Variants in DUSP16 observed in about 807,000 individuals in gnomAD.
The protein encoded by DUSP16 is dual specificity protein phosphatase 16.
A neutral mutation model predicts 58.3 loss-of-function variants in DUSP16; 21 were observed. The observed-to-expected ratio is 0.36, with a 90% CI of 0.26 to 0.52. The LOEUF is 0.52. Ranked by LOEUF, DUSP16 falls within the 20% of genes least tolerant of loss-of-function variation. The probability of loss-of-function intolerance (pLI) is 0.94; values close to 1 mark genes in which losing one functional copy is unlikely to be tolerated. For synonymous variants in DUSP16, 320 were observed against 323.8 expected (o/e 0.99, Z 0.12); for missense variants, 726 against 819.0 (o/e 0.89, Z 1.39).
At chr12:12,506,846 T>C (rs2136219106) in intron 3 of DUSP16, among the ~76,000 whole-genome samples, 1 of 152,332 alleles carries the variant, frequency 6.6e-6, no homozygotes, top group African/African-American at 2.4e-5. Flanking sequence ...ACCAAAAGAA[T>C]GCATGTTTAC....
chr12:12,480,921 G>A (rs915264020), intron 5 of DUSP16, among the ~76,000 whole-genome samples: 2 of 152,132 alleles, frequency 1.3e-5, no homozygotes, highest in Non-Finnish European at 2.9e-5. Flanking sequence ...GTTTCACCAT[G>A]TTGGGCAGGC....
chr12:12,523,306 TAGAC>T (rs1592193125), intron 1 of DUSP16, among the ~76,000 whole-genome samples: 2 of 152,284 alleles, frequency 1.3e-5, no homozygotes, highest in East Asian at 1.9e-4. Context: ...CTATGCATCA[TAGAC>T]AGGAGGAAAA....
At chr12:12,486,838 C>T (rs1238969646) in intron 5 of DUSP16, among the ~76,000 whole-genome samples, 190 bp downstream of exon 5, 1 of 152,194 alleles carries the variant, frequency 6.6e-6, no homozygotes, top group Non-Finnish European at 1.5e-5. Flanking sequence ...AAGGCCAGTC[C>T]TTAGGGACAG....
chr12:12,491,253 G>A (rs1186977113), intron 4 of DUSP16: 3 of 151,132 alleles, frequency 2.0e-5, no homozygotes, highest in Non-Finnish European at 4.4e-5. Context: ...GTCCCACCAT[G>A]TTGTCCAGGC....
chr12:12,561,365 T>C (rs750160008), intron 1 of DUSP16, among the ~76,000 whole-genome samples: 20 of 152,224 alleles, frequency 1.3e-4, no homozygotes, highest in Non-Finnish European at 1.3e-4. Flanking sequence ...CAGATCTACT[T>C]GCCTTTTCTC....
intron 4 of DUSP16, among the ~76,000 whole-genome samples, chr12:12,493,409 G>T (rs1398496247): frequency 1.3e-5 from 2 of 152,074 alleles, no homozygotes; most frequent in African/African-American, 4.8e-5. Context: ...CCATCCAGTA[G>T]GAAATTCAGG....
In DUSP16 at chr12:12,542,106, G is replaced by A. The variant is rs938829810; in HGVS notation, c.-366+20011C>T. On this transcript the variant is annotated intron_variant, in intron 1 of 6. Transcript: ENST00000298573. ...GAAATACCCAGAAAGGCTGGGTGCCGTGGCTCACACCTGTAATCCCAGCAC... is the reference window on the plus strand; with the variant it reads ...GAAATACCCAGAAAGGCTGGGTGCCATGGCTCACACCTGTAATCCCAGCAC... Among the ~76,000 whole-genome samples the A allele has an allele frequency of 5.3e-5, 8 of 152,114 alleles. No individual in the cohort carries two copies. The South Asian group carries it at 6.2e-4, about 12-fold the overall frequency.
intron 1 of DUSP16, among the ~76,000 whole-genome samples, chr12:12,552,041 A>G (rs1944736001): frequency 6.6e-6 from 1 of 152,234 alleles, no homozygotes; most frequent in Admixed American, 6.5e-5. Flanking sequence ...CAGTTACAAA[A>G]TCACACACAG....
chr12:12,514,464 T>A (rs1592186787), intron 3 of DUSP16, among the ~76,000 whole-genome samples: 1 of 152,220 alleles, frequency 6.6e-6, no homozygotes, highest in Admixed American at 6.5e-5. Context: ...CTGATCCTTT[T>A]TCTTTAGTCA....
chr12:12,552,433 G>A (rs1387702626), intron 1 of DUSP16, among the ~76,000 whole-genome samples: 2 of 151,864 alleles, frequency 1.3e-5, no homozygotes, highest in Admixed American at 6.6e-5. Context: ...GCGACAGAGC[G>A]AGACTATCTC....
chr12:12,509,546 A>G (rs1944046243), intron 3 of DUSP16, among the ~76,000 whole-genome samples: 1 of 151,952 alleles, frequency 6.6e-6, no homozygotes, highest in Admixed American at 6.6e-5. Context: ...TAGAGGCTCT[A>G]TAAAATTTAT....
At chr12:12,486,011 T>G (rs1043985093) in intron 5 of DUSP16, among the ~76,000 whole-genome samples, 4 of 151,720 alleles carry the variant, frequency 2.6e-5, no homozygotes, top group Non-Finnish European at 5.9e-5. Context: ...GCCAGGATGG[T>G]CTCAATCTCC....
At chr12:12,542,057 C>A (rs181013210) in intron 1 of DUSP16, among the ~76,000 whole-genome samples, 1 of 152,316 alleles carries the variant, frequency 6.6e-6, no homozygotes, top group Admixed American at 6.5e-5. Flanking sequence ...CCAAAGACCA[C>A]ATATTATATG....
At chr12:12,498,127 AAG>A (rs1943857052) in intron 4 of DUSP16, among the ~76,000 whole-genome samples, 1 of 151,456 alleles carries the variant, frequency 6.6e-6, no homozygotes, top group Non-Finnish European at 1.5e-5. Context: ...TTAGGAAAAA[AAG>A]AAGCATATTA....
Position 12,519,207 on chromosome 12 carries a change from G to A in DUSP16, c.367+655C>T, listed in dbSNP as rs557043025. Among the ~76,000 whole-genome samples the A allele has an allele frequency of 3.3e-5, 5 of 152,296 alleles. No individual in the cohort carries two copies. The East Asian group carries it at 9.7e-4, about 29-fold the overall frequency. On this transcript the variant is annotated intron_variant, in intron 3 of 6. Coordinates refer to ENST00000298573, the MANE Select transcript of DUSP16 (RefSeq NM_030640.3). ...TTAACTCCTACAATGCCGTCCTCCA[G>A]GAGAGATATAGAATATTTGGTCCTT...
At chr12:12,510,288 T>C (rs1032534686) in intron 3 of DUSP16, among the ~76,000 whole-genome samples, 7 of 152,182 alleles carry the variant, frequency 4.6e-5, no homozygotes, top group African/African-American at 1.7e-4. Flanking sequence ...TAGGGGAAAC[T>C]TGATGAGTCA....
intron 1 of DUSP16, among the ~76,000 whole-genome samples, chr12:12,557,233 A>C (rs1047714175): frequency 1.3e-5 from 2 of 152,238 alleles, no homozygotes; most frequent in Non-Finnish European, 2.9e-5. Context: ...AGGCGGGTGG[A>C]ACACGAGGTC....
At chr12:12,549,578 A>C (rs572282957) in intron 1 of DUSP16, among the ~76,000 whole-genome samples, 2 of 152,090 alleles carry the variant, frequency 1.3e-5, no homozygotes, top group Non-Finnish European at 2.9e-5. Flanking sequence ...TAGCTCTCCC[A>C]AAAGAAAAAA....
chr12:12,519,802 A>G, intron 3 of DUSP16, 60 bp downstream of exon 3: 1 of 1,571,880 alleles, frequency 6.4e-7, no homozygotes, highest in Non-Finnish European at 8.7e-7. Flanking sequence ...ACAGTGAAAT[A>G]TGCTTACTCA....
Sources: gnomAD v4.1 joint callset for allele counts (sites outside exome capture counted in the v4.1 genomes callset) on GRCh38, gnomAD v4.1.1 for gene constraint, MANE v1.5 for transcripts, NCBI Gene and HGNC (gene_info 2026-07-23, HGNC 2026-07-21) for gene names.